Variants in MEGF11 observed in about 807,000 individuals in gnomAD.
MEGF11 encodes the protein multiple epidermal growth factor-like domains protein 11.
In MEGF11, 126 loss-of-function variants were observed where a neutral mutation model predicts 146.6. The observed-to-expected ratio is 0.86, with a 90% CI of 0.74 to 1.00. MEGF11 has a LOEUF of 1.00. Among genes scored for constraint, MEGF11 ranks in the 50% least tolerant of loss-of-function variants. MEGF11 has a pLI of 0.00. For missense variants in MEGF11, 1,509 were observed against 1,521.2 expected, an observed-to-expected ratio of 0.99 and a Z score of 0.13; for synonymous variants, 532 against 583.4, an observed-to-expected ratio of 0.91 and a Z score of 1.27.
intron 8 of MEGF11, 27 bp from the exon 9 acceptor site, chr15:65,965,147 G>C (rs768781123): frequency 6.5e-7 from 1 of 1,536,496 alleles, no homozygotes; most frequent in African/African-American, 1.4e-5. Context: ...TGGGGCTGAG[G>C]CTGTGGGCCA....
chr15:66,001,129 T>A (rs1596974758), intron 5 of MEGF11, among the ~76,000 whole-genome samples: 1 of 151,998 alleles, frequency 6.6e-6, no homozygotes, highest in East Asian at 1.9e-4. Context: ...AGAGTTAGGA[T>A]TGGGAGCAGC....
At chr15:66,029,363 G>A (rs936060239) in intron 5 of MEGF11, among the ~76,000 whole-genome samples, 5 of 152,174 alleles carry the variant, frequency 3.3e-5, no homozygotes, top group African/African-American at 1.2e-4. Flanking sequence ...CCTGGGTGAG[G>A]AATGAGAAGT....
intron 5 of MEGF11, among the ~76,000 whole-genome samples, chr15:66,032,830 A>G (rs2083575683): frequency 6.6e-6 from 1 of 152,198 alleles, no homozygotes; most frequent in African/African-American, 2.4e-5. Context: ...GACAGAATTT[A>G]TGATTAAAAA....
intron 1 of MEGF11, among the ~76,000 whole-genome samples, chr15:66,175,407 C>T (rs937705788): frequency 3.3e-5 from 5 of 152,130 alleles, no homozygotes; most frequent in African/African-American, 1.2e-4. Flanking sequence ...ACCACACTAC[C>T]TGACTTCAAA....
chr15:66,006,847 G>A (rs1438369432), intron 5 of MEGF11, among the ~76,000 whole-genome samples: 2 of 152,214 alleles, frequency 1.3e-5, no homozygotes, highest in Non-Finnish European at 1.5e-5. Flanking sequence ...AAAGGGAAGC[G>A]TGCACATGTG....
At chr15:66,031,957 C>G (rs2083537710) in intron 5 of MEGF11, among the ~76,000 whole-genome samples, 1 of 152,226 alleles carries the variant, frequency 6.6e-6, no homozygotes, top group Non-Finnish European at 1.5e-5. Context: ...GCATTACTGC[C>G]TGAGCTCTGC....
intron 5 of MEGF11, among the ~76,000 whole-genome samples, chr15:66,036,819 A>G (rs1253166144): frequency 1.3e-5 from 2 of 152,320 alleles, no homozygotes; most frequent in African/African-American, 4.8e-5. Flanking sequence ...TCATTCATTC[A>G]TGTAGGAAGT....
chr15:66,078,417 C>T (rs543275644), intron 5 of MEGF11, among the ~76,000 whole-genome samples: 1 of 152,192 alleles, frequency 6.6e-6, no homozygotes, highest in South Asian at 2.1e-4. Context: ...TCCCGGGCCT[C>T]GGCTCTCTAA....
intron 1 of MEGF11, among the ~76,000 whole-genome samples, chr15:66,191,417 C>T (rs1277127687): frequency 6.6e-6 from 1 of 152,208 alleles, no homozygotes; most frequent in East Asian, 1.9e-4. Flanking sequence ...ATTATCTTAA[C>T]AGCTGGCACC....
chr15:66,051,885 G>A (rs56772028), intron 5 of MEGF11, among the ~76,000 whole-genome samples: 7 of 152,330 alleles, frequency 4.6e-5, no homozygotes, highest in Non-Finnish European at 7.4e-5. Flanking sequence ...GGGAACTTGA[G>A]CCCACATTTA....
rs145758513 is a variant in MEGF11 at position 66,054,596 on chromosome 15, C to T, written c.394+39806G>A. Among the ~76,000 whole-genome samples the T allele has an allele frequency of 3.8e-3, 586 of 152,264 alleles. 9 individuals carry two copies. Among genetic ancestry groups the T allele is most frequent in the African/African-American group, 0.013 (555 of 41,542 alleles). ...CCTCCATTGGCCTGGGCAGAGTGAG[C>T]GGCCTGGAAAATGGAGTGAGCACAC... On this transcript the variant is annotated intron_variant, in intron 5 of 25. Coordinates refer to ENST00000395614, the MANE Select transcript of MEGF11 (RefSeq NM_001385028.1).
chr15:65,991,050 T>C (rs1005730827), intron 5 of MEGF11, among the ~76,000 whole-genome samples: 1 of 152,206 alleles, frequency 6.6e-6, no homozygotes, highest in African/African-American at 2.4e-5. Context: ...CAGCACAGGA[T>C]TATAATGATG....
chr15:66,235,850 A>G (rs1298140459), intron 1 of MEGF11, among the ~76,000 whole-genome samples: 3 of 152,178 alleles, frequency 2.0e-5, no homozygotes, highest in Non-Finnish European at 4.4e-5. Context: ...TCTCCATATC[A>G]AGGACAAGGA....
At chr15:66,045,306 C>T (rs1385873355) in intron 5 of MEGF11, among the ~76,000 whole-genome samples, 1 of 152,216 alleles carries the variant, frequency 6.6e-6, no homozygotes, top group African/African-American at 2.4e-5. Context: ...AGCCCTGTGG[C>T]TGTAGAACCC....
intron 1 of MEGF11, among the ~76,000 whole-genome samples, chr15:66,153,681 G>A (rs1020031802): frequency 6.6e-6 from 1 of 152,186 alleles, no homozygotes; most frequent in Non-Finnish European, 1.5e-5. Context: ...ACACCCAGGT[G>A]CGCCCAGACA....
In MEGF11 at chr15:66,055,423, C is replaced by T. The variant is rs1374292674; in HGVS notation, c.394+38979G>A. Among the ~76,000 whole-genome samples, 4 of 152,202 alleles carry T rather than the reference C, an allele frequency of 2.6e-5. No homozygotes were observed. In the East Asian group the frequency reaches 7.7e-4, roughly 29 times the overall value. ...CATTTAATTTGCAAGTGTTTTTCTTCGTAAATGTCATGTACAAGGAGATAT... is the reference window on the plus strand; with the variant it reads ...CATTTAATTTGCAAGTGTTTTTCTTTGTAAATGTCATGTACAAGGAGATAT... On this transcript the variant is annotated intron_variant, in intron 5 of 25. Coordinates refer to ENST00000395614, the MANE Select transcript of MEGF11 (RefSeq NM_001385028.1).
chr15:65,998,628 A>T (rs1291454337), intron 5 of MEGF11, among the ~76,000 whole-genome samples: 3 of 152,208 alleles, frequency 2.0e-5, no homozygotes, highest in Middle Eastern at 3.4e-3. Context: ...ATTTGCCAGA[A>T]GTTGGAGACG....
At position 65,909,053 on chromosome 15, in the gene MEGF11, G is replaced by C. The variant is rs1235240511; in HGVS notation, c.2979C>G (p.Pro993=). The C allele has an allele frequency of 1.3e-6, 2 of 1,535,068 alleles. No homozygotes were observed. Among genetic ancestry groups the C allele is most frequent in the Non-Finnish European group, 1.7e-6 (2 of 1,146,156 alleles). Residue 993 remains proline, a synonymous_variant, in exon 23 of 26, where the codon CCC becomes CCG. Transcript: ENST00000395614. ...FYIELRHLSR[P]AEPHSPGACG... ...TCTGACCTGGTGAGTGTGGCTCAGC[G>C]GGGCGGCTGAGGTGTCTAAGTTCAA... is the stretch of plus-strand genomic sequence containing the variant.
chr15:66,088,394 C>T (rs958966884), intron 5 of MEGF11, among the ~76,000 whole-genome samples: 9 of 152,356 alleles, frequency 5.9e-5, no homozygotes, highest in East Asian at 1.9e-4. Context: ...CAATGGCTCA[C>T]GCCTGTAATC....
Sources: allele counts gnomAD v4.1 joint callset (sites outside exome capture counted in the v4.1 genomes callset), GRCh38; gene constraint gnomAD v4.1.1; transcripts MANE v1.5; gene names NCBI Gene and HGNC (gene_info 2026-07-23, HGNC 2026-07-21).